The following PCDHGA7 variants were observed in gnomAD, a reference collection of about 807,000 sequenced individuals.
The protein encoded by PCDHGA7 is protocadherin gamma subfamily A, 7, also known as protocadherin gamma-A7.
PCDHGA7 carries 44 observed loss-of-function variants against 58.3 expected under a neutral mutation model. The ratio of observed to expected loss-of-function variants is 0.75; its 90% CI spans 0.59 to 0.97. The LOEUF is 0.97. Ranked by LOEUF, PCDHGA7 falls within the 50% of genes least tolerant of loss-of-function variation. The pLI, the probability that PCDHGA7 is intolerant of heterozygous loss-of-function variation, is 0.00. For synonymous variants in PCDHGA7, 516 were observed against 504.2 expected, an observed-to-expected ratio of 1.02 and a Z score of -0.31; for missense variants, 1,266 against 1,188.7, an observed-to-expected ratio of 1.06 and a Z score of -0.96.
rs747064148 is a variant in PCDHGA7, at chr5:141,395,059, T to C, written c.2424+9736T>C. 1 of 1,614,180 alleles carries C rather than the reference T, an allele frequency of 6.2e-7. No individual in the cohort carries two copies. The stretch of plus-strand genomic sequence containing the variant: ...GTGGGTGTTGAGGAGGTACAGGCTT[T>C]CCTGCAGACCTATTCCCAGGAAGTC... On this transcript the variant is annotated intron_variant, in intron 1 of 3. Transcript: ENST00000518325.
chr5:141,419,447 C>T (rs754931078), intron 1 of PCDHGA7: 8 of 1,613,016 alleles, frequency 5.0e-6, no homozygotes, highest in Non-Finnish European at 4.2e-6. Flanking sequence ...CACCTTCGAG[C>T]TCACGCTGCA....
chr5:141,489,904 C>T lies in PCDHGA7; in HGVS notation c.2425-4903C>T, dbSNP rs750411680. On this transcript the variant is annotated intron_variant, in intron 1 of 3. Transcript: ENST00000518325. This position sits in a 1 kb window ranked among gnomAD's most constrained non-coding sequence, Gnocchi z 4.5. ...TGCTGTGGATGGGGGGACCCCAGCC[C>T]GCTCAGGGACCACCCTTATCTCTGT... 1.6e-5 allele frequency: 26 copies of T among 1,614,092 alleles called. No homozygotes were observed. The highest frequency in any genetic ancestry group is 3.3e-5 in the Admixed American group (2 of 60,014).
intron 1 of PCDHGA7, chr5:141,389,477 G>C (rs761615943): frequency 1.9e-6 from 3 of 1,613,174 alleles, no homozygotes; most frequent in Non-Finnish European, 2.5e-6. Flanking sequence ...TCACACTGCA[G>C]GCCCGCGACC....
In PCDHGA7 at chr5:141,383,085, C is replaced by G. The variant is rs773972778; in HGVS notation, c.186C>G (p.Arg62=). 9.3e-6 allele frequency: 15 copies of G among 1,613,862 alleles called. No individual in the cohort carries two copies. Among genetic ancestry groups the G allele is most frequent in the Non-Finnish European group, 1.3e-5 (15 of 1,179,888 alleles). Residue 62 remains arginine, a synonymous_variant, in exon 1 of 4, where the codon CGC becomes CGG. Transcript: ENST00000518325. ...TGGAGCCCCGGGAGCTGGCGGAGCG[C>G]GGAGTCCGCATCATCTCCAGAGGTA... ...LGLEPRELAE[R]GVRIISRGRT...
intron 1 of PCDHGA7, chr5:141,389,972 GA>G: frequency 6.2e-7 from 1 of 1,614,056 alleles, no homozygotes; most frequent in East Asian, 2.2e-5. Flanking sequence ...CCTTGGCCTT[GA>G]TCTCAGTGCT....
At chr5:141,399,675 T>C (rs753709757) in intron 1 of PCDHGA7, 3 of 1,613,618 alleles carry the variant, frequency 1.9e-6, no homozygotes, top group South Asian at 2.2e-5. Context: ...AGCGCGCCTT[T>C]GACTACGAGC....
chr5:141,436,735 T>G (rs2097843412), intron 1 of PCDHGA7, among the ~76,000 whole-genome samples: 1 of 152,220 alleles, frequency 6.6e-6, no homozygotes, highest in Non-Finnish European at 1.5e-5. Context: ...AATAATGATT[T>G]TTGTGTGCTT....
Position 141,413,494 on chromosome 5 carries a change from G to T in PCDHGA7, c.2424+28171G>T, listed in dbSNP as rs778441176. On this transcript the variant is annotated intron_variant, in intron 1 of 3. Transcript: ENST00000518325. ...GCTCTGCGCTCAGAGCGCGCGGTGCGTGGTGAGTTTTAATATCCTTGTGGA... is the reference window on the plus strand; with the variant it reads ...GCTCTGCGCTCAGAGCGCGCGGTGCTTGGTGAGTTTTAATATCCTTGTGGA... The T allele has an allele frequency of 5.0e-6, 8 of 1,614,042 alleles. No individual in the cohort carries two copies. The East Asian group carries it at 1.3e-4, about 27-fold the overall frequency.
intron 1 of PCDHGA7, chr5:141,389,722 G>T (rs141134077): frequency 1.9e-6 from 3 of 1,612,560 alleles, no homozygotes; most frequent in Non-Finnish European, 1.7e-6. Context: ...AGCGAGCCCG[G>T]GCTCTTCAGC....
At chr5:141,502,978 G>T (rs1004984942) in intron 2 of PCDHGA7, among the ~76,000 whole-genome samples, 1 of 150,096 alleles carries the variant, frequency 6.7e-6, no homozygotes, top group Non-Finnish European at 1.5e-5. Context: ...CAAGTAGCTG[G>T]GATTACAGGC....
intron 1 of PCDHGA7, among the ~76,000 whole-genome samples, chr5:141,468,165 A>T (rs1249592462): frequency 1.3e-5 from 2 of 151,940 alleles, no homozygotes; most frequent in Non-Finnish European, 2.9e-5. Flanking sequence ...TCTCTGCTAA[A>T]AATAGAAAAA....
chr5:141,445,446 G>T (rs2098467238), intron 1 of PCDHGA7, among the ~76,000 whole-genome samples: 1 of 152,264 alleles, frequency 6.6e-6, no homozygotes, highest in Admixed American at 6.5e-5. Flanking sequence ...ATGGACTAAG[G>T]ATGCAGCAAT....
intron 2 of PCDHGA7, among the ~76,000 whole-genome samples, chr5:141,498,792 G>A (rs1217057199): frequency 2.6e-5 from 4 of 152,086 alleles, no homozygotes; most frequent in Admixed American, 2.6e-4. Context: ...TATTAGCCAG[G>A]TGTGGTGGTG....
chr5:141,419,455 G>A lies in PCDHGA7; in HGVS notation c.2424+34132G>A, dbSNP rs770156844. 8.1e-6 allele frequency: 13 copies of A among 1,612,598 alleles called. No homozygotes were observed. The African/African-American group carries it at 1.7e-4, about 22-fold the overall frequency. ...AGCTGCGCACCTTCGAGCTCACGCT[G>A]CAGGCCCGCGACCAGGGCTCGCCCG... is the stretch of plus-strand genomic sequence containing the variant. On this transcript the variant is annotated intron_variant, in intron 1 of 3. Coordinates refer to ENST00000518325, the MANE Select transcript of PCDHGA7 (RefSeq NM_018920.4).
intron 1 of PCDHGA7, among the ~76,000 whole-genome samples, chr5:141,436,383 G>C (rs1374382672): frequency 6.6e-6 from 1 of 152,104 alleles, no homozygotes; most frequent in Admixed American, 6.5e-5. Context: ...AGCTGAATAG[G>C]CTTTATTAAA....
intron 1 of PCDHGA7, chr5:141,427,090 A>G: frequency 2.2e-6 from 1 of 458,214 alleles, no homozygotes; most frequent in East Asian, 6.9e-5. Context: ...GACCAGGATG[A>G]GGGTGTCAAT....
At chr5:141,393,569 T>C (rs1227543853) in intron 1 of PCDHGA7, 1 of 1,613,918 alleles carries the variant, frequency 6.2e-7, no homozygotes, top group South Asian at 1.1e-5. Context: ...TGAAAGTCCT[T>C]GAGAACATGC....
intron 1 of PCDHGA7, among the ~76,000 whole-genome samples, chr5:141,430,346 C>G (rs1191705310): frequency 6.8e-6 from 1 of 148,074 alleles, no homozygotes; most frequent in Non-Finnish European, 1.5e-5. Context: ...ACTTCCAATT[C>G]ATTTAAAAGC....
In PCDHGA7 at chr5:141,476,780, C is replaced by T. The variant is rs201463036; in HGVS notation, c.2425-18027C>T. On this transcript the variant is annotated intron_variant, in intron 1 of 3. Transcript: ENST00000518325. This position sits in a 1 kb window ranked among gnomAD's most constrained non-coding sequence, Gnocchi z 7.6. ...GCTGACGGCGTTGGACGGAGGGACCCCAGCTCTCTCCGCCAGCCTGCCTAT... is the reference window on the plus strand; with the variant it reads ...GCTGACGGCGTTGGACGGAGGGACCTCAGCTCTCTCCGCCAGCCTGCCTAT... 234 of 1,613,464 alleles carry T rather than the reference C, an allele frequency of 1.5e-4. No individual in the cohort carries two copies. Among genetic ancestry groups the T allele is most frequent in the Non-Finnish European group, 1.9e-4 (227 of 1,180,026 alleles).
Sources: gnomAD v4.1 joint callset for allele counts (sites outside exome capture counted in the v4.1 genomes callset) on GRCh38, gnomAD v4.1.1 for gene constraint, Gnocchi (gnomAD v3.1) non-coding constraint, MANE v1.5 for transcripts, NCBI Gene and HGNC (gene_info 2026-07-23, HGNC 2026-07-21) for gene names.